The following ZMYM2 variants were observed in gnomAD, a reference collection of about 807,000 sequenced individuals.
ZMYM2 encodes zinc finger MYM-type protein 2.
In ZMYM2, 56 loss-of-function variants were observed where a neutral mutation model predicts 162.8. The observed-to-expected ratio is 0.34, with a 90% CI of 0.28 to 0.43. The LOEUF (loss-of-function observed/expected upper bound fraction) is 0.43, where lower values mean the gene tolerates loss of function less well. Among genes scored for constraint, ZMYM2 ranks in the 20% least tolerant of loss-of-function variants. The probability of loss-of-function intolerance (pLI) is 1.00; values close to 1 mark genes in which losing one functional copy is unlikely to be tolerated. For synonymous variants in ZMYM2, 510 were observed against 541.6 expected (o/e 0.94, Z 0.81); for missense variants, 1,275 against 1,621.8 (o/e 0.79, Z 3.67).
the ZMYM2 span, among the ~76,000 whole-genome samples, chr13:19,888,877 C>T: frequency 1.3e-5 from 2 of 152,006 alleles, no homozygotes; most frequent in Non-Finnish European, 2.9e-5. Flanking sequence ...GGATTACAGG[C>T]GTGAGCCACT....
At chr13:20,072,932 A>G (rs1182084384) in intron 21 of ZMYM2, among the ~76,000 whole-genome samples, 1 of 150,798 alleles carries the variant, frequency 6.6e-6, no homozygotes, top group Non-Finnish European at 1.5e-5. Flanking sequence ...TTTTTGAGAC[A>G]AAGTCTCACT....
At chr13:19,978,310 A>G (rs1384552150) in intron 2 of ZMYM2, among the ~76,000 whole-genome samples, 1 of 152,138 alleles carries the variant, frequency 6.6e-6, no homozygotes, top group Admixed American at 6.5e-5. Flanking sequence ...GAAGTATACA[A>G]ACACTCTACT....
intron 14 of ZMYM2, among the ~76,000 whole-genome samples, chr13:20,055,797 A>AT (rs570651983): frequency 0.1 from 15,541 of 148,450 alleles, 1,279 homozygotes; most frequent in African/African-American, 0.22. Context: ...ATTATGACCA[A>AT]TTTTTTTTTT....
intron 23 of ZMYM2, among the ~76,000 whole-genome samples, chr13:20,083,289 C>T (rs1389091952): frequency 4.6e-5 from 7 of 152,064 alleles, no homozygotes; most frequent in African/African-American, 1.2e-4. Context: ...CTCGAACTCC[C>T]GACCTCAGGT....
intron 17 of ZMYM2, among the ~76,000 whole-genome samples, 184 bp downstream of exon 17, chr13:20,061,408 A>G (rs1956223088): frequency 6.6e-6 from 1 of 152,186 alleles, no homozygotes; most frequent in Non-Finnish European, 1.5e-5. Context: ...GCCCTCAGAC[A>G]GATATCCGAA....
chr13:19,995,262 A>G (rs1949931355), intron 3 of ZMYM2, among the ~76,000 whole-genome samples: 1 of 152,132 alleles, frequency 6.6e-6, no homozygotes, highest in Non-Finnish European at 1.5e-5. Context: ...TTGACATGCA[A>G]AAGGCTGTAT....
chr13:20,074,231 TGTGTGTGA>T lies in ZMYM2; in HGVS notation c.3453+6843_3453+6850del, dbSNP rs1441436237. On this transcript the variant is annotated intron_variant, in intron 21 of 24. Transcript: ENST00000610343. ...GTGTGTGTGTGTGTGTGTGTGTGTG[TGTGTGTGA>T]GAGAGACAGAGAGACAGGGTCTCAC... 1.6e-3 allele frequency among the ~76,000 whole-genome samples: 228 copies of T among 141,968 alleles called. 2 individuals are homozygous for T. Among genetic ancestry groups the T allele is most frequent in the South Asian group, 4.6e-4 (2 of 4,364 alleles). The allele number at this position is 141,968 out of a possible 152,430, so 93.1% of individuals were successfully genotyped here.
chr13:20,022,483 A>G (rs923617740), intron 7 of ZMYM2, among the ~76,000 whole-genome samples: 4 of 152,036 alleles, frequency 2.6e-5, no homozygotes, highest in Non-Finnish European at 5.9e-5. Context: ...TAAAGTTGCT[A>G]TTTTTCCCTC....
intron 3 of ZMYM2, among the ~76,000 whole-genome samples, chr13:19,996,695 C>A (rs958291945): frequency 6.6e-6 from 1 of 151,752 alleles, no homozygotes; most frequent in African/African-American, 2.4e-5. Flanking sequence ...CCAGCCTGGG[C>A]GACAGACTGA....
chr13:19,980,370 C>T (rs111266330), intron 2 of ZMYM2, among the ~76,000 whole-genome samples: 31 of 151,862 alleles, frequency 2.0e-4, no homozygotes, highest in Non-Finnish European at 3.1e-4. Context: ...CTGTTTGGTC[C>T]GTCTTTTCTT....
rs1953748341 is a variant in ZMYM2, at chr13:20,036,794, C to T, written c.2177C>T (p.Thr726Ile). Residue 726 changes from threonine (T) to isoleucine (I), a missense_variant, in exon 12 of 25, where the codon ACT becomes ATT. This residue lies in a region of ZMYM2 where 177 missense variants were observed against 228.0 expected (regional missense o/e 0.78). Coordinates refer to ENST00000610343, the MANE Select transcript of ZMYM2 (RefSeq NM_197968.4). ...AGACGTTTAGGATTGAGATGTGTTA[C>T]TTGCAACTATTGTTCTCAGCTATGT... Reference protein sequence around the residue: ...FARRLGLRCVTCNYCSQLCKK... With the variant: ...FARRLGLRCVICNYCSQLCKK... 2 of 1,603,288 alleles carry T rather than the reference C, an allele frequency of 1.2e-6. No individual in the cohort carries two copies. Among genetic ancestry groups the T allele is most frequent in the South Asian group, 2.2e-5 (2 of 88,934 alleles).
the ZMYM2 span, among the ~76,000 whole-genome samples, chr13:19,922,592 C>T: frequency 2.0e-5 from 3 of 152,158 alleles, no homozygotes; most frequent in South Asian, 4.1e-4. Flanking sequence ...CGCCTGTAAT[C>T]CCAGCACTTT....
the ZMYM2 span, among the ~76,000 whole-genome samples, chr13:19,885,871 A>ATG: frequency 8.8e-4 from 44 of 50,206 alleles, 1 homozygote; most frequent in Middle Eastern, 8.8e-3. Flanking sequence ...AAATATATAT[A>ATG]TGTATATACA....
intron 2 of ZMYM2, among the ~76,000 whole-genome samples, chr13:19,964,625 T>A (rs535761972): frequency 4.1e-4 from 62 of 152,302 alleles, no homozygotes; most frequent in African/African-American, 1.4e-3. Flanking sequence ...AGTTATCATC[T>A]TGTTTTTGTT....
At chr13:19,964,513 C>T (rs1018922930) in intron 2 of ZMYM2, among the ~76,000 whole-genome samples, 16 of 152,258 alleles carry the variant, frequency 1.1e-4, no homozygotes, top group African/African-American at 3.9e-4. Flanking sequence ...GATCTTCCCA[C>T]CTTGGCCTCC....
chr13:20,005,357 A>G (rs1344163647), intron 5 of ZMYM2, 118 bp downstream of exon 5: 5 of 686,960 alleles, frequency 7.3e-6, no homozygotes, highest in Non-Finnish European at 1.2e-5. Flanking sequence ...TATAAAGACT[A>G]TCTTATAAAT....
At chr13:20,001,073 A>T (rs1452670874) in intron 3 of ZMYM2, among the ~76,000 whole-genome samples, 1 of 152,194 alleles carries the variant, frequency 6.6e-6, no homozygotes, top group East Asian at 1.9e-4. Flanking sequence ...TGGTGGAAAT[A>T]GCATGAGAAC....
intron 2 of ZMYM2, among the ~76,000 whole-genome samples, chr13:19,965,746 C>G (rs1463353758): frequency 6.9e-6 from 1 of 145,110 alleles, no homozygotes; most frequent in African/African-American, 2.5e-5. Context: ...TTAATTATTT[C>G]TGGCCCTGAT....
rs1027196914 is a variant in ZMYM2, at chr13:20,086,594, T to C, written c.*580T>C. ...GAGATACCATCTTCTGTACCAAAAA[T>C]AGACAAGAGAATGCTGTCAATATTG... On this transcript the variant is annotated 3_prime_UTR_variant, in exon 25 of 25. Transcript: ENST00000610343. 8 of 203,618 alleles carry C rather than the reference T, an allele frequency of 3.9e-5. No individual in the cohort carries two copies. The highest frequency in any genetic ancestry group is 1.8e-4 in the African/African-American group (8 of 43,668). 12.6% of individuals were successfully genotyped at this position (203,618 alleles called of 1,614,324 possible). A position where few individuals can be genotyped will look rare whatever the true frequency, so the allele number is the denominator to read the frequency against.
Sources: allele counts gnomAD v4.1 joint callset (sites outside exome capture counted in the v4.1 genomes callset), GRCh38; gene constraint gnomAD v4.1.1; regional missense constraint gnomAD v4.1.1; transcripts MANE v1.5; gene names NCBI Gene and HGNC (gene_info 2026-07-23, HGNC 2026-07-21).